The following NRCAM variants were observed in gnomAD, a reference collection of about 807,000 sequenced individuals.
The protein encoded by NRCAM is neuronal cell adhesion molecule.
Under a neutral mutation model 156.5 loss-of-function variants are expected in NRCAM, and 83 were observed. That is an observed-to-expected ratio of 0.53 (90% CI 0.44 to 0.64). NRCAM has a LOEUF of 0.64. Among genes scored for constraint, NRCAM ranks in the 30% least tolerant of loss-of-function variants. The probability of loss-of-function intolerance (pLI) is 0.00; values close to 1 mark genes in which losing one functional copy is unlikely to be tolerated. For synonymous variants in NRCAM, 538 were observed against 563.9 expected (o/e 0.95, Z 0.65); for missense variants, 1,417 against 1,597.3 (o/e 0.89, Z 1.92).
In NRCAM at chr7:108,160,480, C is replaced by T. The variant is rs756693297; in HGVS notation, c.3479G>A (p.Arg1160Gln). Reference protein sequence around the residue: ...VFETGPAMASRQVDIATQGWF... With the variant: ...VFETGPAMASQQVDIATQGWF... ...GCCCTGAGTTGCAATATCCACCTGC[C>T]GGCTTGCCATCGCTGGAAAACAAAT... Residue 1160 changes from arginine (R) to glutamine (Q), a missense_variant, in exon 31 of 33, where the codon CGG becomes CAG. This residue lies in a region of NRCAM where 179 missense variants were observed against 260.9 expected (regional missense o/e 0.69). Coordinates refer to ENST00000379028, the MANE Select transcript of NRCAM (RefSeq NM_001037132.4). 2.5e-5 allele frequency: 40 copies of T among 1,612,898 alleles called. No individual in the cohort carries two copies. The highest frequency in any genetic ancestry group is 1.8e-4 in the Admixed American group (11 of 59,874).
chr7:108,422,051 C>A (rs1430873276), intron 1 of NRCAM, among the ~76,000 whole-genome samples: 1 of 152,164 alleles, frequency 6.6e-6, no homozygotes, highest in Non-Finnish European at 1.5e-5. Context: ...CCAACCTCCT[C>A]CACAGCAAAA....
intron 1 of NRCAM, among the ~76,000 whole-genome samples, chr7:108,420,438 T>G (rs996817842): frequency 2.9e-4 from 44 of 152,176 alleles, no homozygotes; most frequent in African/African-American, 1.0e-3. Flanking sequence ...TTGCTGATCT[T>G]TAAAGTAAAT....
intron 2 of NRCAM, among the ~76,000 whole-genome samples, chr7:108,327,898 T>A (rs2099086835): frequency 1.3e-5 from 2 of 152,242 alleles, no homozygotes; most frequent in South Asian, 2.1e-4. Context: ...TATTATACTA[T>A]CCTCAAAAAC....
intron 2 of NRCAM, among the ~76,000 whole-genome samples, chr7:108,373,979 G>A (rs2099645894): frequency 1.3e-5 from 2 of 152,146 alleles, no homozygotes; most frequent in African/African-American, 4.8e-5. Context: ...AGTGATGCCA[G>A]CAGAGAAAAA....
chr7:108,182,864 G>A lies in NRCAM; in HGVS notation c.2361C>T (p.Arg787=). 6.2e-7 allele frequency: 1 copy of A among 1,614,144 alleles called. No homozygotes were observed. Among genetic ancestry groups the A allele is most frequent in the Non-Finnish European group, 8.5e-7 (1 of 1,180,042 alleles). Residue 787 remains arginine, a synonymous_variant, in exon 23 of 33, where the codon CGC becomes CGT. Coordinates refer to ENST00000379028, the MANE Select transcript of NRCAM (RefSeq NM_001037132.4). ...TCCATTCATCATCACCATCTTTCTG[G>A]CGCCAGCTAACTTTGTACTGAAGGC... ...GPGLQYKVSW[R]QKDGDDEWTS...
chr7:108,152,246 G>A (rs1003265211), intron 32 of NRCAM, among the ~76,000 whole-genome samples: 2 of 152,112 alleles, frequency 1.3e-5, no homozygotes, highest in Non-Finnish European at 2.9e-5. Flanking sequence ...TGTCCAGGAA[G>A]ACCTCATCAA....
intron 7 of NRCAM, 135 bp downstream of exon 7, chr7:108,232,191 T>G (rs1589301960): frequency 1.5e-6 from 1 of 658,242 alleles, no homozygotes; most frequent in East Asian, 2.9e-5. Context: ...AGCAATAACT[T>G]TCATGCAAAA....
chr7:108,168,538 C>G (rs973556629), intron 28 of NRCAM, 136 bp from the exon 29 acceptor site: 5 of 757,726 alleles, frequency 6.6e-6, no homozygotes, highest in Non-Finnish European at 9.2e-6. Context: ...AGGGTTCACT[C>G]ATGCTTTGCT....
At chr7:108,203,589 C>A (rs984869218) in intron 13 of NRCAM, among the ~76,000 whole-genome samples, 1 of 152,164 alleles carries the variant, frequency 6.6e-6, no homozygotes, top group African/African-American at 2.4e-5. Flanking sequence ...GTGCACTCGG[C>A]AGCCAGAGCC....
intron 1 of NRCAM, among the ~76,000 whole-genome samples, chr7:108,406,692 C>A (rs1345535937): frequency 6.6e-6 from 1 of 152,224 alleles, no homozygotes; most frequent in African/African-American, 2.4e-5. Context: ...AACAGTAATA[C>A]AAATGCCATG....
At chr7:108,298,803 C>A (rs2098509107) in intron 3 of NRCAM, among the ~76,000 whole-genome samples, 1 of 151,590 alleles carries the variant, frequency 6.6e-6, no homozygotes, top group Non-Finnish European at 1.5e-5. Context: ...CTTCCAGATT[C>A]TTTTATTAAA....
chr7:108,283,022 T>C (rs189527974), intron 3 of NRCAM, among the ~76,000 whole-genome samples: 1 of 152,158 alleles, frequency 6.6e-6, no homozygotes, highest in Non-Finnish European at 1.5e-5. Flanking sequence ...AACCAGTGTT[T>C]AAAAATGCTT....
chr7:108,413,954 C>A (rs961252633), intron 1 of NRCAM, among the ~76,000 whole-genome samples: 1 of 152,166 alleles, frequency 6.6e-6, no homozygotes, highest in Non-Finnish European at 1.5e-5. Context: ...CATGTCCACA[C>A]TGCAGCAGGA....
At chr7:108,154,421 ATAT>A (rs1339705615) in intron 32 of NRCAM, among the ~76,000 whole-genome samples, 1 of 152,184 alleles carries the variant, frequency 6.6e-6, no homozygotes, top group Non-Finnish European at 1.5e-5. Context: ...TCTTATTATA[ATAT>A]TTGCTTGTTG....
At chr7:108,361,809 G>C (rs2099553451) in intron 2 of NRCAM, among the ~76,000 whole-genome samples, 1 of 152,040 alleles carries the variant, frequency 6.6e-6, no homozygotes, top group African/African-American at 2.4e-5. Flanking sequence ...AAATGTATAA[G>C]TATTTGCATT....
chr7:108,232,897 T>A (rs1212423922), intron 6 of NRCAM, among the ~76,000 whole-genome samples: 1 of 152,134 alleles, frequency 6.6e-6, no homozygotes, highest in East Asian at 1.9e-4. Flanking sequence ...AACCTGTCTA[T>A]AAAAATTTGC....
At chr7:108,189,973 G>A (rs532956557) in intron 19 of NRCAM, among the ~76,000 whole-genome samples, 65 of 152,246 alleles carry the variant, frequency 4.3e-4, no homozygotes, top group African/African-American at 1.2e-3. Context: ...CAAAGGAAAC[G>A]AAAGCATTTG....
intron 2 of NRCAM, among the ~76,000 whole-genome samples, chr7:108,345,067 G>C (rs554481603): frequency 2.6e-5 from 4 of 152,292 alleles, no homozygotes; most frequent in African/African-American, 9.6e-5. Context: ...AAGAATGTGG[G>C]TCCCTGATAA....
chr7:108,277,097 G>C (rs1182022071), intron 3 of NRCAM, among the ~76,000 whole-genome samples: 1 of 152,220 alleles, frequency 6.6e-6, no homozygotes, highest in East Asian at 1.9e-4. Context: ...TTTCTGCAGA[G>C]AGATCCGCTG....
Sources: gnomAD v4.1 joint callset for allele counts (sites outside exome capture counted in the v4.1 genomes callset) on GRCh38, gnomAD v4.1.1 for gene constraint, gnomAD v4.1.1 regional missense constraint, MANE v1.5 for transcripts, NCBI Gene and HGNC (gene_info 2026-07-23, HGNC 2026-07-21) for gene names.